TLK1: variants seen among roughly 807,000 people sequenced by gnomAD.
TLK1 encodes tousled like kinase 1.
A neutral mutation model predicts 105.3 loss-of-function variants in TLK1; 24 were observed. The observed-to-expected ratio is 0.23, with a 90% CI of 0.17 to 0.32. The LOEUF (loss-of-function observed/expected upper bound fraction) is 0.32. Ranked by LOEUF, TLK1 falls within the 10% of genes least tolerant of loss-of-function variation. The pLI, the probability that TLK1 is intolerant of heterozygous loss-of-function variation, is 1.00. For missense variants in TLK1, 558 were observed against 910.5 expected (o/e 0.61, Z 4.98); for synonymous variants, 321 against 310.4 (o/e 1.03, Z -0.36).
At chr2:171,162,563 GT>G (rs1692532422), upstream of TLK1, among the ~76,000 whole-genome samples, 1 of 152,024 alleles carries the variant, frequency 6.6e-6, no homozygotes, top group Admixed American at 6.6e-5. Context: ...TAAAAATAAA[GT>G]GTACAATTTG....
At chr2:171,082,249 T>C (rs2105476869) in intron 3 of TLK1, among the ~76,000 whole-genome samples, 1 of 152,190 alleles carries the variant, frequency 6.6e-6, no homozygotes, top group South Asian at 2.1e-4. Flanking sequence ...ATCCCAGATA[T>C]TTTCTTGGTG....
intron 3 of TLK1, among the ~76,000 whole-genome samples, chr2:171,063,111 C>T (rs1209394131): frequency 2.6e-5 from 4 of 152,062 alleles, no homozygotes; most frequent in African/African-American, 9.7e-5. Context: ...TTTCGGAGGC[C>T]GAGGCGGGCA....
chr2:171,085,117 C>T (rs1013299361), intron 2 of TLK1, among the ~76,000 whole-genome samples: 4 of 152,174 alleles, frequency 2.6e-5, no homozygotes, highest in African/African-American at 9.6e-5. Context: ...TGGCTGGGCA[C>T]AGTGGCTCAT....
At chr2:171,205,829 G>C (rs1693496331) in intron 1 of TLK1, among the ~76,000 whole-genome samples, 1 of 152,142 alleles carries the variant, frequency 6.6e-6, no homozygotes, top group South Asian at 2.1e-4. Flanking sequence ...TAAAAATAAA[G>C]GTTTCCTCTG....
At chr2:171,157,742 T>C (rs1031511099) in intron 1 of TLK1, among the ~76,000 whole-genome samples, 1 of 152,228 alleles carries the variant, frequency 6.6e-6, no homozygotes, top group Non-Finnish European at 1.5e-5. Context: ...GCTTATGGCA[T>C]ATTTTTAAAA....
intron 1 of TLK1, among the ~76,000 whole-genome samples, chr2:171,145,050 T>C (rs569764482): frequency 6.6e-6 from 1 of 152,198 alleles, no homozygotes; most frequent in Non-Finnish European, 1.5e-5. Context: ...GGCTCACACC[T>C]ATAATCCCAG....
At chr2:171,129,708 G>T (rs1691015509) in intron 1 of TLK1, among the ~76,000 whole-genome samples, 1 of 152,010 alleles carries the variant, frequency 6.6e-6, no homozygotes, top group African/African-American at 2.4e-5. Flanking sequence ...AGGCATGGTA[G>T]TCCGCACCTA....
intron 12 of TLK1, among the ~76,000 whole-genome samples, chr2:171,015,604 ATT>A (rs926083488): frequency 3.9e-5 from 6 of 152,026 alleles, no homozygotes; most frequent in African/African-American, 1.2e-4. Flanking sequence ...TGATAAATAC[ATT>A]TTTGTCTTAA....
chr2:171,230,028 TA>T (rs67070626), intron 1 of TLK1, among the ~76,000 whole-genome samples: 8,022 of 147,266 alleles, frequency 0.054, 471 homozygotes, highest in East Asian at 0.26. Flanking sequence ...CAAATTACAG[TA>T]AAAAAAAAAG....
In TLK1 at chr2:170,993,156, C is replaced by T. The variant is rs1251254142; in HGVS notation, c.*624G>A. 1 of 152,524 alleles carries T rather than the reference C, an allele frequency of 6.6e-6. No individual in the cohort carries two copies. Among genetic ancestry groups the T allele is most frequent in the African/African-American group, 2.4e-5 (1 of 41,412 alleles). The allele number at this position is 152,524 out of a possible 1,614,324, so 9.4% of individuals were successfully genotyped here. On this transcript the variant is annotated 3_prime_UTR_variant, in exon 21 of 21. Coordinates refer to ENST00000431350, the MANE Select transcript of TLK1 (RefSeq NM_012290.5). ...CTTTAATATAACCAGTGAAAGAAAACGGACATGTGATCTCGAGGTACAACT... is the reference window on the plus strand; with the variant it reads ...CTTTAATATAACCAGTGAAAGAAAATGGACATGTGATCTCGAGGTACAACT...
chr2:171,194,734 G>A (rs372929290), intron 1 of TLK1, among the ~76,000 whole-genome samples: 1 of 150,948 alleles, frequency 6.6e-6, no homozygotes, highest in Non-Finnish European at 1.5e-5. Flanking sequence ...GGAGAATGGC[G>A]TGAACCTGGG....
chr2:171,215,211 G>A (rs1168469565), intron 1 of TLK1, among the ~76,000 whole-genome samples: 1 of 152,194 alleles, frequency 6.6e-6, no homozygotes, highest in Non-Finnish European at 1.5e-5. Flanking sequence ...AAAATGCTGG[G>A]ATTACAGGCG....
intron 1 of TLK1, among the ~76,000 whole-genome samples, chr2:171,172,270 G>A (rs770790631): frequency 2.0e-4 from 31 of 152,160 alleles, no homozygotes; most frequent in Non-Finnish European, 3.7e-4. Flanking sequence ...GGATAGGAGG[G>A]AGGCTTCTGA....
intron 7 of TLK1, 57 bp downstream of exon 7, chr2:171,055,022 TAGTA>T: frequency 2.2e-6 from 2 of 928,640 alleles, no homozygotes; most frequent in Non-Finnish European, 1.6e-6. Context: ...TCTTAGTTGT[TAGTA>T]AGTTAGTCAA....
intron 13 of TLK1, among the ~76,000 whole-genome samples, chr2:171,013,305 A>ACCTGGCC (rs1389104158): frequency 8.2e-6 from 1 of 122,170 alleles, no homozygotes; most frequent in Non-Finnish European, 1.7e-5. Flanking sequence ...GAGCTACCAC[A>ACCTGGCC]CCTGGCCCCT....
At chr2:171,216,454 C>A (rs139349778) in intron 1 of TLK1, among the ~76,000 whole-genome samples, 1 of 151,908 alleles carries the variant, frequency 6.6e-6, no homozygotes, top group Admixed American at 6.6e-5. Context: ...CCAGCCTGGG[C>A]GACAGAGCAA....
chr2:171,201,622 T>A (rs183049159), intron 1 of TLK1, among the ~76,000 whole-genome samples: 234 of 152,372 alleles, frequency 1.5e-3, no homozygotes, highest in Middle Eastern at 0.01. Context: ...CCTCATATTG[T>A]GCTGAAAGCT....
At chr2:171,106,720 T>C (rs1012001996) in intron 2 of TLK1, among the ~76,000 whole-genome samples, 6 of 152,188 alleles carry the variant, frequency 3.9e-5, no homozygotes, top group Non-Finnish European at 7.3e-5. Context: ...CTACTATCAT[T>C]AAAATTTGCC....
chr2:171,128,880 A>C (rs1447646206), intron 1 of TLK1, among the ~76,000 whole-genome samples: 2 of 152,160 alleles, frequency 1.3e-5, no homozygotes, highest in African/African-American at 2.4e-5. Flanking sequence ...GAGACACTGA[A>C]AGGTTAAGTT....
Sources: gnomAD v4.1 joint callset for allele counts (sites outside exome capture counted in the v4.1 genomes callset) on GRCh38, gnomAD v4.1.1 for gene constraint, MANE v1.5 for transcripts, NCBI Gene and HGNC (gene_info 2026-07-23, HGNC 2026-07-21) for gene names.